RBFOX1: variants seen among roughly 807,000 people sequenced by gnomAD.
RBFOX1 encodes RNA binding fox-1 homolog 1.
RBFOX1 carries 8 observed loss-of-function variants against 57.7 expected under a neutral mutation model. The ratio of observed to expected loss-of-function variants is 0.14; its 90% CI spans 0.08 to 0.25. RBFOX1 has a LOEUF of 0.25. RBFOX1 is among the 10% of genes least tolerant of loss of function. The pLI, the probability that RBFOX1 is intolerant of heterozygous loss-of-function variation, is 1.00. For synonymous variants in RBFOX1, 326 were observed against 222.4 expected, an observed-to-expected ratio of 1.47 and a Z score of -4.15; for missense variants, 611 against 548.5, an observed-to-expected ratio of 1.11 and a Z score of -1.14.
In RBFOX1 at chr16:6,212,860, G is replaced by C. The variant is rs148512903; in HGVS notation, c.-126-104135G>C. Among the ~76,000 whole-genome samples the C allele has an allele frequency of 1.6e-3, 236 of 152,220 alleles. 4 individuals carry two copies. Among genetic ancestry groups the C allele is most frequent in the Admixed American group, 0.013 (201 of 15,298 alleles). On this transcript the variant is annotated intron_variant, in intron 1 of 15. Transcript: ENST00000550418. The stretch of plus-strand genomic sequence containing the variant: ...CCTATTTGTAACCTGAAAAAGGTAA[G>C]AAGAAGAGACCAATAGTAAAAAAAA...
At chr16:6,266,230 A>G (rs977496675) in intron 1 of RBFOX1, among the ~76,000 whole-genome samples, 3 of 152,192 alleles carry the variant, frequency 2.0e-5, no homozygotes, top group Non-Finnish European at 2.9e-5. Flanking sequence ...AGCCATAGCT[A>G]AAAGACAGCC....
chr16:6,548,524 G>C (rs554354202), intron 2 of RBFOX1, among the ~76,000 whole-genome samples: 1 of 152,082 alleles, frequency 6.6e-6, no homozygotes, highest in Non-Finnish European at 1.5e-5. Flanking sequence ...AGTGAAAAAA[G>C]AAATTTTTTT....
intron 14 of RBFOX1, among the ~76,000 whole-genome samples, chr16:7,677,391 C>T (rs886332777): frequency 6.6e-6 from 1 of 152,122 alleles, no homozygotes; most frequent in African/African-American, 2.4e-5. Context: ...TAGCAATGCC[C>T]AGTGTCCAAT....
At chr16:7,065,185 G>C (rs572827993) in intron 4 of RBFOX1, among the ~76,000 whole-genome samples, 34 of 152,294 alleles carry the variant, frequency 2.2e-4, no homozygotes, top group African/African-American at 7.9e-4. Context: ...TTGGAAGAAT[G>C]CATTCTAATA....
At chr16:5,396,111 G>A (rs573993036) in intron 1 of RBFOX1, among the ~76,000 whole-genome samples, 1 of 152,262 alleles carries the variant, frequency 6.6e-6, no homozygotes, top group East Asian at 1.9e-4. Flanking sequence ...TAAGCCCCCA[G>A]GGTTATGATA....
intron 4 of RBFOX1, among the ~76,000 whole-genome samples, chr16:7,481,939 T>C (rs2064054956): frequency 6.6e-6 from 1 of 152,224 alleles, no homozygotes; most frequent in Non-Finnish European, 1.5e-5. Context: ...TTACTGAAAG[T>C]GAAAAACAGT....
At chr16:6,861,983 A>G (rs572655925) in intron 3 of RBFOX1, among the ~76,000 whole-genome samples, 2 of 152,124 alleles carry the variant, frequency 1.3e-5, no homozygotes, top group South Asian at 4.2e-4. Flanking sequence ...TGAATCAAAG[A>G]AAAGCTGTGA....
chr16:6,060,035 CTGTT>C (rs1458152511), intron 1 of RBFOX1, among the ~76,000 whole-genome samples: 1 of 148,080 alleles, frequency 6.8e-6, no homozygotes, highest in Non-Finnish European at 1.5e-5. Context: ...CTTTCCCACT[CTGTT>C]TGTTGTCTTG....
At chr16:7,450,571 G>C (rs1315400046) in intron 4 of RBFOX1, among the ~76,000 whole-genome samples, 2 of 152,126 alleles carry the variant, frequency 1.3e-5, no homozygotes, top group African/African-American at 4.8e-5. Flanking sequence ...TGCTGCGTGA[G>C]TGTCTTAAGG....
chr16:6,697,944 A>G lies in RBFOX1; in HGVS notation c.-16+43294A>G, dbSNP rs536471925. On this transcript the variant is annotated intron_variant, in intron 3 of 15. Transcript: ENST00000550418. ...TTTTTTTAAAACATCTGTTCTATTAAGGAACCAACCAGAGAGTTGATTGGT... is the reference window on the plus strand; with the variant it reads ...TTTTTTTAAAACATCTGTTCTATTAGGGAACCAACCAGAGAGTTGATTGGT... Among the ~76,000 whole-genome samples the G allele has an allele frequency of 3.0e-4, 45 of 152,312 alleles. No individual in the cohort carries two copies. In the South Asian group the frequency reaches 6.0e-3, roughly 20 times the overall value.
chr16:6,442,611 C>T lies in RBFOX1; in HGVS notation c.-64+125554C>T, dbSNP rs544451171. On this transcript the variant is annotated intron_variant, in intron 2 of 15. Transcript: ENST00000550418. Reference sequence around the variant, plus strand: ...AGTGTTCCTCTGCTGTCTTCCTTCTCGTAAATTAAAACTGCCTAACACACC... The same window carrying T: ...AGTGTTCCTCTGCTGTCTTCCTTCTTGTAAATTAAAACTGCCTAACACACC... Among the ~76,000 whole-genome samples, 20 of 152,028 alleles carry T rather than the reference C, an allele frequency of 1.3e-4. No individual in the cohort carries two copies. In the South Asian group the frequency reaches 3.3e-3, roughly 25 times the overall value.
At chr16:6,968,686 C>T (rs1421976610) in intron 3 of RBFOX1, among the ~76,000 whole-genome samples, 5 of 152,156 alleles carry the variant, frequency 3.3e-5, no homozygotes, top group Admixed American at 1.3e-4. Context: ...GCTGGCCTCC[C>T]ATCGAGTACA....
chr16:7,208,136 C>G (rs1056764573), intron 4 of RBFOX1, among the ~76,000 whole-genome samples: 1 of 152,092 alleles, frequency 6.6e-6, no homozygotes, highest in Non-Finnish European at 1.5e-5. Context: ...TTATGTATCC[C>G]TGGAGTTTGG....
chr16:5,533,294 A>T (rs754222725), intron 2 of RBFOX1, among the ~76,000 whole-genome samples: 64 of 152,230 alleles, frequency 4.2e-4, no homozygotes, highest in Middle Eastern at 3.2e-3. Flanking sequence ...AGTAACAAGC[A>T]TCATGTTTTA....
At chr16:6,384,768 A>T (rs762317568) in intron 2 of RBFOX1, among the ~76,000 whole-genome samples, 1 of 152,200 alleles carries the variant, frequency 6.6e-6, no homozygotes, top group Non-Finnish European at 1.5e-5. Context: ...CAAGGCTTCA[A>T]GCTTTGCTGT....
At chr16:7,452,657 A>C (rs961065634) in intron 4 of RBFOX1, among the ~76,000 whole-genome samples, 3 of 152,172 alleles carry the variant, frequency 2.0e-5, no homozygotes, top group African/African-American at 7.2e-5. Context: ...GAACAAAAAG[A>C]TGTATAGGCT....
chr16:6,824,263 G>C (rs545082163), intron 3 of RBFOX1, among the ~76,000 whole-genome samples: 4 of 152,180 alleles, frequency 2.6e-5, no homozygotes, highest in Non-Finnish European at 5.9e-5. Flanking sequence ...AAATTAGCCA[G>C]ATGTGGTGGT....
chr16:6,004,292 C>T (rs1218315373), intron 4 of RBFOX1, among the ~76,000 whole-genome samples: 1 of 152,150 alleles, frequency 6.6e-6, no homozygotes, highest in Non-Finnish European at 1.5e-5. Context: ...ACCTGGGTGA[C>T]CTTGGACATT....
At chr16:5,544,951 CTTTTTTTTTTTTTTTTTTTTTTTTTT>C (rs59873374) in intron 2 of RBFOX1, among the ~76,000 whole-genome samples, 4 of 124,360 alleles carry the variant, frequency 3.2e-5, no homozygotes, top group Non-Finnish European at 6.6e-5. Context: ...CTATTACATT[CTTTTTTTTTTTTTTTTTTTTTTTTTT>C]TTTTTTTTTT....
Sources: gnomAD v4.1 joint callset for allele counts (sites outside exome capture counted in the v4.1 genomes callset) on GRCh38, gnomAD v4.1.1 for gene constraint, MANE v1.5 for transcripts, NCBI Gene and HGNC (gene_info 2026-07-23, HGNC 2026-07-21) for gene names.